Variants in USH2A observed in about 807,000 individuals in gnomAD.
USH2A encodes Usher syndrome 2A (autosomal recessive, mild).
USH2A carries 443 observed loss-of-function variants against 538.9 expected under a neutral mutation model. The ratio of observed to expected loss-of-function variants is 0.82; its 90% CI spans 0.76 to 0.89. The LOEUF is 0.89. Ranked by LOEUF, USH2A falls within the 40% of genes least tolerant of loss-of-function variation. The probability of loss-of-function intolerance (pLI) is 0.00; values close to 1 mark genes in which losing one functional copy is unlikely to be tolerated. For missense variants in USH2A, 6,633 were observed against 6,324.8 expected (o/e 1.05, Z -1.65); for synonymous variants, 2,413 against 2,273.5 (o/e 1.06, Z -1.75).
At position 215,795,865 on chromosome 1, in the gene USH2A, C is replaced by T. The variant is rs559305383; in HGVS notation, c.9958+3042G>A. 3.3e-5 allele frequency among the ~76,000 whole-genome samples: 5 copies of T among 152,108 alleles called. No homozygotes were observed. In the East Asian group the frequency reaches 7.7e-4, roughly 24 times the overall value. On this transcript the variant is annotated intron_variant, in intron 50 of 71. Coordinates refer to ENST00000307340, the MANE Select transcript of USH2A (RefSeq NM_206933.4). ...ATACGCTTACGAATTATTGAGGACC[C>T]CAAATACCTTTTGTTTATATGGGTT...
intron 16 of USH2A, 103 bp downstream of exon 16, chr1:216,207,170 A>T: frequency 7.1e-7 from 1 of 1,407,684 alleles, no homozygotes; most frequent in Non-Finnish European, 1.0e-6. Flanking sequence ...ACTCTGTGCC[A>T]GACAGAGGAA....
intron 15 of USH2A, among the ~76,000 whole-genome samples, chr1:216,209,600 C>T (rs995003579): frequency 1.3e-5 from 2 of 152,152 alleles, no homozygotes; most frequent in African/African-American, 2.4e-5. Flanking sequence ...CAAATTATTA[C>T]ATTTTAAGAC....
At chr1:215,996,835 A>G (rs1432774849) in intron 34 of USH2A, among the ~76,000 whole-genome samples, 5 of 152,206 alleles carry the variant, frequency 3.3e-5, no homozygotes, top group African/African-American at 1.2e-4. Context: ...GTCAAATGTG[A>G]AAACTAAATG....
chr1:215,796,028 G>GTGA (rs79966345), intron 50 of USH2A, among the ~76,000 whole-genome samples: 3 of 151,934 alleles, frequency 2.0e-5, no homozygotes, highest in East Asian at 1.9e-4. Flanking sequence ...ATAAAAAATA[G>GTGA]AAGAATGACA....
chr1:215,964,280 A>G (rs1394051069), intron 37 of USH2A, among the ~76,000 whole-genome samples: 1 of 152,140 alleles, frequency 6.6e-6, no homozygotes, highest in East Asian at 1.9e-4. Flanking sequence ...AGTGCTTTAC[A>G]GCAGAATACA....
chr1:216,196,438 C>T (rs1363467898), intron 19 of USH2A, 115 bp downstream of exon 19: 5 of 1,128,194 alleles, frequency 4.4e-6, no homozygotes, highest in East Asian at 2.5e-5. Flanking sequence ...AGAAAAAATG[C>T]CCTGTTTAAT....
At chr1:215,901,537 T>C (rs1271810711) in intron 38 of USH2A, 1 of 156,388 alleles carries the variant, frequency 6.4e-6, no homozygotes, top group Non-Finnish European at 1.4e-5. Flanking sequence ...TTCTCAGAGT[T>C]ATCCCTTCTC....
At chr1:216,374,738 A>G (rs1479355469) in intron 3 of USH2A, among the ~76,000 whole-genome samples, 1 of 152,116 alleles carries the variant, frequency 6.6e-6, no homozygotes, top group Non-Finnish European at 1.5e-5. Flanking sequence ...AAGTTGTTCC[A>G]GGTTTGGACA....
At chr1:216,021,849 C>T (rs1668851794) in intron 32 of USH2A, among the ~76,000 whole-genome samples, 1 of 152,094 alleles carries the variant, frequency 6.6e-6, no homozygotes, top group Admixed American at 6.6e-5. Flanking sequence ...TTTGTTTGGC[C>T]CTGCCAAATC....
intron 26 of USH2A, among the ~76,000 whole-genome samples, chr1:216,081,513 C>T (rs747452978): frequency 1.5e-4 from 23 of 152,132 alleles, no homozygotes; most frequent in Admixed American, 4.6e-4. Context: ...AGACTGCTTC[C>T]TTTCAGTTGC....
chr1:216,199,734 G>A lies in USH2A; in HGVS notation c.3704C>T (p.Thr1235Ile). Residue 1235 changes from threonine to isoleucine, a missense_variant, in exon 17 of 72, where the codon ACA (threonine) becomes ATA (isoleucine). Physicochemically the swap from Thr to Ile is moderately conservative, Grantham distance 89. Coordinates refer to ENST00000307340, the MANE Select transcript of USH2A (RefSeq NM_206933.4). ...GGGAGGGGCCTGGGCTGTGGTCACT[G>A]TAATGGGCAAGCTGTGTAAACAGCC... ...SGGCLHSLPI[T>I]VTTAQAPPQR... 6.2e-7 allele frequency: 1 copy of A among 1,614,108 alleles called. No individual in the cohort carries two copies. The highest frequency in any genetic ancestry group is 8.5e-7 in the Non-Finnish European group (1 of 1,179,998).
At chr1:216,169,321 C>T (rs985416835) in intron 21 of USH2A, among the ~76,000 whole-genome samples, 2 of 151,946 alleles carry the variant, frequency 1.3e-5, no homozygotes, top group Non-Finnish European at 2.9e-5. Context: ...TTACCAGTTA[C>T]CTAACATTAA....
At chr1:216,153,645 C>T (rs970496274) in intron 21 of USH2A, among the ~76,000 whole-genome samples, 6 of 152,150 alleles carry the variant, frequency 3.9e-5, no homozygotes, top group African/African-American at 9.7e-5. Context: ...ATGCAGTTTA[C>T]ATTAATATGC....
chr1:216,255,425 GT>G (rs1006135656), intron 11 of USH2A, among the ~76,000 whole-genome samples: 2 of 152,080 alleles, frequency 1.3e-5, no homozygotes, highest in African/African-American at 2.4e-5. Flanking sequence ...GTTATGCTGT[GT>G]TTTCATTTTC....
rs548111152 is a variant in USH2A, at chr1:215,640,455, A to G, written c.14968+103T>C. The G allele has an allele frequency of 1.4e-4, 213 of 1,490,276 alleles. No individual in the cohort carries two copies. In the African/African-American group the frequency reaches 2.8e-3, roughly 20 times the overall value. The allele number at this position is 1,490,276 out of a possible 1,614,324, so 92.3% of individuals were successfully genotyped here. A position where few individuals can be genotyped will look rare whatever the true frequency, so the allele number is the denominator to read the frequency against. ...AAGAAGGGGGCACTTAAACCAAGAC[A>G]TTTTAATGGTGAGCATCTGCTGGTC... is the stretch of plus-strand genomic sequence containing the variant. On this transcript the variant is annotated intron_variant, in intron 68 of 71. Transcript: ENST00000307340.
chr1:215,694,009 G>T (rs960848102), intron 61 of USH2A, among the ~76,000 whole-genome samples: 1 of 152,100 alleles, frequency 6.6e-6, no homozygotes, highest in Admixed American at 6.6e-5. Flanking sequence ...GATAAACACA[G>T]ACAAAATATT....
At position 215,768,902 on chromosome 1, in the gene USH2A, G is replaced by A. The variant is rs546683475; in HGVS notation, c.10940-2114C>T. On this transcript the variant is annotated intron_variant, in intron 55 of 71. Coordinates refer to ENST00000307340, the MANE Select transcript of USH2A (RefSeq NM_206933.4). ...TTTTGGGAGGTCACTTTCCCCTATAGTGCCCATTTTTAGGCATTCAATGTT... is the reference window on the plus strand; with the variant it reads ...TTTTGGGAGGTCACTTTCCCCTATAATGCCCATTTTTAGGCATTCAATGTT... 5.6e-4 allele frequency among the ~76,000 whole-genome samples: 85 copies of A among 152,208 alleles called. 2 individuals are homozygous for A. The South Asian group carries it at 0.017, about 31-fold the overall frequency.
At chr1:216,421,096 A>T (rs1204796106) in intron 2 of USH2A, among the ~76,000 whole-genome samples, 2 of 152,098 alleles carry the variant, frequency 1.3e-5, no homozygotes, top group Admixed American at 6.6e-5. Context: ...TTTAGAAGAA[A>T]CTCATTAGAT....
At chr1:216,212,688 T>TGC (rs1326107007) in intron 15 of USH2A, among the ~76,000 whole-genome samples, 11 of 150,514 alleles carry the variant, frequency 7.3e-5, no homozygotes, top group Non-Finnish European at 1.3e-4. Flanking sequence ...TGTGTTTGTG[T>TGC]GTGTGTGTGT....
Sources: gnomAD v4.1 joint callset for allele counts (sites outside exome capture counted in the v4.1 genomes callset) on GRCh38, gnomAD v4.1.1 for gene constraint, MANE v1.5 for transcripts, NCBI Gene and HGNC (gene_info 2026-07-23, HGNC 2026-07-21) for gene names.